The following TANGO6 variants were observed in gnomAD, a reference collection of about 807,000 sequenced individuals.
TANGO6 encodes transport and Golgi organization protein 6 homolog.
TANGO6 carries 90 observed loss-of-function variants against 114.2 expected under a neutral mutation model. The observed-to-expected ratio is 0.79, with a 90% CI of 0.66 to 0.94. The LOEUF (loss-of-function observed/expected upper bound fraction) is 0.94. Among genes scored for constraint, TANGO6 ranks in the 40% least tolerant of loss-of-function variants. TANGO6 has a pLI of 0.00. For missense variants in TANGO6, 1,274 were observed against 1,315.3 expected, an observed-to-expected ratio of 0.97 and a Z score of 0.49; for synonymous variants, 477 against 509.8, an observed-to-expected ratio of 0.94 and a Z score of 0.87.
intron 14 of TANGO6, among the ~76,000 whole-genome samples, chr16:68,958,489 CA>C (rs71383945): frequency 2.7e-3 from 115 of 42,412 alleles, no homozygotes; most frequent in East Asian, 8.4e-3. Flanking sequence ...AACTCTGTCT[CA>C]AAAAAAAAAA....
At chr16:68,923,044 T>G (rs929795487) in intron 12 of TANGO6, among the ~76,000 whole-genome samples, 1 of 142,616 alleles carries the variant, frequency 7.0e-6, no homozygotes, top group East Asian at 2.1e-4. Context: ...GCCCGCTGGG[T>G]TCAAGCGATT....
At chr16:68,940,757 T>G (rs1200042076) in intron 14 of TANGO6, among the ~76,000 whole-genome samples, 1 of 152,186 alleles carries the variant, frequency 6.6e-6, no homozygotes, top group Non-Finnish European at 1.5e-5. Context: ...GGACCTAGAC[T>G]ACTCAAAAAT....
intron 15 of TANGO6, among the ~76,000 whole-genome samples, chr16:69,005,540 TCAGGAGGCCAATCC>T (rs976831331): frequency 2.3e-4 from 35 of 151,912 alleles, no homozygotes; most frequent in Non-Finnish European, 4.7e-4. Flanking sequence ...GCCTGTAATC[TCAGGAGGCCAATCC>T]CAGGAGGCCA....
intron 11 of TANGO6, among the ~76,000 whole-genome samples, chr16:68,915,745 C>A (rs1347069461): frequency 6.6e-6 from 1 of 152,184 alleles, no homozygotes; most frequent in African/African-American, 2.4e-5. Flanking sequence ...GTAAGTGGAA[C>A]TTTTAATAAC....
intron 11 of TANGO6, among the ~76,000 whole-genome samples, chr16:68,912,460 C>T (rs1962936771): frequency 6.6e-6 from 1 of 151,576 alleles, no homozygotes; most frequent in South Asian, 2.1e-4. Context: ...ATGGTGAAAT[C>T]CCATCTCTAC....
At chr16:69,058,675 C>CT (rs1170728072) in intron 17 of TANGO6, among the ~76,000 whole-genome samples, 4 of 151,936 alleles carry the variant, frequency 2.6e-5, no homozygotes, top group Non-Finnish European at 4.4e-5. Flanking sequence ...GGACTTTTCT[C>CT]TTTTTTTTGA....
chr16:69,048,034 A>C (rs1420101506), intron 17 of TANGO6, among the ~76,000 whole-genome samples: 2 of 152,100 alleles, frequency 1.3e-5, no homozygotes, highest in Admixed American at 6.6e-5. Context: ...TTCTTCAAAA[A>C]CAAGCCAAAC....
chr16:68,893,147 A>T (rs2152177299), intron 7 of TANGO6, among the ~76,000 whole-genome samples: 1 of 152,212 alleles, frequency 6.6e-6, no homozygotes. Flanking sequence ...AATTTTTTTC[A>T]ACTAGTCTCA....
At chr16:69,083,391 A>C (rs1960494003) in intron 17 of TANGO6, 94 bp from the exon 18 acceptor site, 2 of 1,414,390 alleles carry the variant, frequency 1.4e-6, no homozygotes, top group South Asian at 1.5e-5. Flanking sequence ...GGATGTCCTC[A>C]CAGATCTCCT....
At chr16:68,983,297 A>G (rs1229562084) in intron 15 of TANGO6, among the ~76,000 whole-genome samples, 5 of 152,116 alleles carry the variant, frequency 3.3e-5, no homozygotes, top group South Asian at 4.2e-4. Flanking sequence ...GTTTTTGTCA[A>G]TTTCTAAGTC....
intron 11 of TANGO6, among the ~76,000 whole-genome samples, chr16:68,912,213 C>G (rs1011018618): frequency 6.6e-6 from 1 of 152,156 alleles, no homozygotes; most frequent in Non-Finnish European, 1.5e-5. Context: ...AAAATTACGT[C>G]TTGGCAGGGT....
chr16:68,981,595 GA>G (rs1271228741), intron 15 of TANGO6, among the ~76,000 whole-genome samples: 28 of 152,122 alleles, frequency 1.8e-4, no homozygotes, highest in African/African-American at 6.8e-4. Context: ...CTGTGCCCAA[GA>G]TAATGAATTG....
At chr16:68,879,346 G>A (rs1245977729) in intron 6 of TANGO6, among the ~76,000 whole-genome samples, 1 of 151,574 alleles carries the variant, frequency 6.6e-6, no homozygotes, top group East Asian at 2.0e-4. Flanking sequence ...AGCTGGGCGT[G>A]GTGGTGCACG....
At chr16:68,919,271 T>G in intron 12 of TANGO6, 52 bp downstream of exon 12, 1 of 1,588,348 alleles carries the variant, frequency 6.3e-7, no homozygotes, top group Non-Finnish European at 8.6e-7. Flanking sequence ...AGAAGCGAAA[T>G]ACCAGTTGTT....
At chr16:68,856,560 T>A (rs1217673692) in intron 1 of TANGO6, among the ~76,000 whole-genome samples, 1 of 152,220 alleles carries the variant, frequency 6.6e-6, no homozygotes, top group African/African-American at 2.4e-5. Flanking sequence ...TTATAGAATA[T>A]TTGAGCAGAA....
At chr16:68,858,758 C>T (rs1207920944) in intron 1 of TANGO6, among the ~76,000 whole-genome samples, 2 of 152,118 alleles carry the variant, frequency 1.3e-5, no homozygotes, top group Non-Finnish European at 2.9e-5. Flanking sequence ...ACTGAGACTA[C>T]AGATGTCAGC....
chr16:68,964,259 G>A (rs191438450), intron 14 of TANGO6, among the ~76,000 whole-genome samples: 1 of 151,850 alleles, frequency 6.6e-6, no homozygotes, highest in Non-Finnish European at 1.5e-5. Context: ...TGTACCCTAT[G>A]AATATGTACA....
intron 7 of TANGO6, among the ~76,000 whole-genome samples, chr16:68,893,473 C>T (rs764006419): frequency 2.0e-5 from 3 of 152,140 alleles, no homozygotes; most frequent in Middle Eastern, 3.2e-3. Context: ...GGCACAGTGG[C>T]TCATGCCTGT....
intron 16 of TANGO6, among the ~76,000 whole-genome samples, chr16:69,028,267 ATAT>A (rs953436724): frequency 7.2e-5 from 11 of 152,004 alleles, no homozygotes; most frequent in East Asian, 1.9e-4. Flanking sequence ...GGCCCTCCAA[ATAT>A]TATTATTTTT....
Sources: allele counts gnomAD v4.1 joint callset (sites outside exome capture counted in the v4.1 genomes callset), GRCh38; gene constraint gnomAD v4.1.1; transcripts MANE v1.5; gene names NCBI Gene and HGNC (gene_info 2026-07-23, HGNC 2026-07-21).